TYW1B: variants seen among roughly 807,000 people sequenced by gnomAD.
TYW1B encodes S-adenosyl-L-methionine-dependent tRNA 4-demethylwyosine synthase TYW1B.
A neutral mutation model predicts 86.9 loss-of-function variants in TYW1B; 73 were observed. The ratio of observed to expected loss-of-function variants is 0.84; its 90% CI spans 0.70 to 1.02. The LOEUF is 1.02. Among genes scored for constraint, TYW1B ranks in the 50% least tolerant of loss-of-function variants. TYW1B has a pLI of 0.00. For synonymous variants in TYW1B, 248 were observed against 292.8 expected, an observed-to-expected ratio of 0.85 and a Z score of 1.56; for missense variants, 637 against 827.4, an observed-to-expected ratio of 0.77 and a Z score of 2.82.
intron 12 of TYW1B, among the ~76,000 whole-genome samples, chr7:72,623,215 T>TA (rs771280621): frequency 6.6e-6 from 1 of 152,208 alleles, no homozygotes; most frequent in Non-Finnish European, 1.5e-5. Context: ...GTTTCCATTT[T>TA]AAAATCAAAG....
chr7:72,678,619 CTT>C (rs56738372), intron 11 of TYW1B, among the ~76,000 whole-genome samples: 2 of 110,432 alleles, frequency 1.8e-5, no homozygotes, highest in African/African-American at 6.5e-5. Context: ...AATTCCAGCA[CTT>C]TTTTTTTTTT....
At chr7:72,591,427 T>A (rs564531500) in intron 13 of TYW1B, among the ~76,000 whole-genome samples, 23 of 152,014 alleles carry the variant, frequency 1.5e-4, no homozygotes, top group Admixed American at 1.4e-3. Context: ...AGACAGAGAA[T>A]CTTGAAAGCA....
intron 10 of TYW1B, among the ~76,000 whole-genome samples, chr7:72,700,368 G>A (rs1487709598): frequency 7.3e-5 from 11 of 151,702 alleles, no homozygotes; most frequent in African/African-American, 2.2e-4. Flanking sequence ...TAAAGACAGC[G>A]TTTCGCCACA....
At chr7:72,760,305 T>C (rs782369604) in intron 7 of TYW1B, among the ~76,000 whole-genome samples, 6 of 152,200 alleles carry the variant, frequency 3.9e-5, no homozygotes, top group Admixed American at 6.5e-5. Context: ...AAAATCAAAG[T>C]GCATGAAAAC....
intron 5 of TYW1B, among the ~76,000 whole-genome samples, chr7:72,804,570 G>C (rs1788461923): frequency 6.6e-6 from 1 of 152,158 alleles, no homozygotes; most frequent in South Asian, 2.1e-4. Flanking sequence ...GGGTGCAGTG[G>C]CTCACACTTA....
chr7:72,593,418 T>C (rs1215129242), intron 13 of TYW1B, among the ~76,000 whole-genome samples: 1 of 152,082 alleles, frequency 6.6e-6, no homozygotes, highest in Non-Finnish European at 1.5e-5. Flanking sequence ...CAAGTACACA[T>C]GGGACATTTT....
In TYW1B at chr7:72,796,929, G is replaced by A. The variant is rs1483440751; in HGVS notation, c.846+5471C>T. Among the ~76,000 whole-genome samples, 4 of 147,996 alleles carry A rather than the reference G, an allele frequency of 2.7e-5. No homozygotes were observed. The East Asian group carries it at 7.9e-4, about 29-fold the overall frequency. ...AGCGATTCTCCCGCCTCAGCCTCCT[G>A]AGTAGCTGGGATTACAGGCACGTAC... On this transcript the variant is annotated intron_variant, in intron 6 of 13. Coordinates refer to ENST00000620995, the MANE Select transcript of TYW1B (RefSeq NM_001145440.3).
chr7:72,697,131 G>A (rs1422424085), intron 10 of TYW1B, among the ~76,000 whole-genome samples: 1 of 150,856 alleles, frequency 6.6e-6, no homozygotes, highest in Non-Finnish European at 1.5e-5. Context: ...AAAGCTTCCT[G>A]ATGCAAAATG....
chr7:72,814,164 C>A (rs540863512), intron 3 of TYW1B, among the ~76,000 whole-genome samples: 4 of 152,124 alleles, frequency 2.6e-5, no homozygotes, highest in African/African-American at 9.7e-5. Context: ...TCAATAACAA[C>A]CCTTCCTTGA....
In TYW1B at chr7:72,584,234, A is replaced by C. The variant is rs1358130158; in HGVS notation, c.1786-8515T>G. Among the ~76,000 whole-genome samples, 4 of 152,144 alleles carry C rather than the reference A, an allele frequency of 2.6e-5. No individual in the cohort carries two copies. In the East Asian group the frequency reaches 7.7e-4, roughly 29 times the overall value. ...CAATGTTTTAATGTTTTGTAGAGAG[A>C]CAGTCTTGCTATGCAGCCCAGGATG... On this transcript the variant is annotated intron_variant, in intron 13 of 13. Coordinates refer to ENST00000620995, the MANE Select transcript of TYW1B (RefSeq NM_001145440.3).
intron 7 of TYW1B, among the ~76,000 whole-genome samples, chr7:72,770,820 C>T (rs1787854079): frequency 6.6e-6 from 1 of 152,044 alleles, no homozygotes; most frequent in Non-Finnish European, 1.5e-5. Flanking sequence ...TGGCATACTA[C>T]TGAGCAATAA....
chr7:72,728,590 T>C (rs1787048376), intron 9 of TYW1B, among the ~76,000 whole-genome samples: 1 of 152,154 alleles, frequency 6.6e-6, no homozygotes, highest in Non-Finnish European at 1.5e-5. Flanking sequence ...TAGACAGGCG[T>C]GAGCCATCAC....
intron 11 of TYW1B, among the ~76,000 whole-genome samples, chr7:72,644,588 CA>C (rs1554441820): frequency 6.6e-6 from 1 of 151,920 alleles, no homozygotes; most frequent in East Asian, 1.9e-4. Flanking sequence ...CAAATAAAAA[CA>C]GACCCAAACA....
At chr7:72,732,705 T>G (rs550065777) in intron 8 of TYW1B, among the ~76,000 whole-genome samples, 1 of 151,886 alleles carries the variant, frequency 6.6e-6, no homozygotes, top group Admixed American at 6.6e-5. Flanking sequence ...TTCAGGGAAC[T>G]AGAAAAGCAA....
intron 6 of TYW1B, among the ~76,000 whole-genome samples, chr7:72,797,773 A>C (rs1229332327): frequency 6.6e-6 from 1 of 152,112 alleles, no homozygotes; most frequent in East Asian, 1.9e-4. Flanking sequence ...GCTTTCAGGG[A>C]GTTCTGTGAG....
chr7:72,621,992 C>A (rs565436469), intron 12 of TYW1B, among the ~76,000 whole-genome samples: 34 of 152,350 alleles, frequency 2.2e-4, no homozygotes, highest in Non-Finnish European at 4.6e-4. Context: ...AGGGTGCCAA[C>A]AGTAAGTAGT....
chr7:72,678,006 T>G (rs1554447781), intron 11 of TYW1B, among the ~76,000 whole-genome samples: 1 of 152,112 alleles, frequency 6.6e-6, no homozygotes, highest in Non-Finnish European at 1.5e-5. Context: ...CCAGCACCTT[T>G]TATTTATCTA....
At chr7:72,624,659 G>C (rs1812296945) in intron 12 of TYW1B, among the ~76,000 whole-genome samples, 1 of 152,172 alleles carries the variant, frequency 6.6e-6, no homozygotes, top group African/African-American at 2.4e-5. Flanking sequence ...TTCATTGCAG[G>C]ACATTTCTCC....
intron 13 of TYW1B, among the ~76,000 whole-genome samples, chr7:72,587,969 T>C (rs1811312545): frequency 6.6e-6 from 1 of 152,220 alleles, no homozygotes; most frequent in Non-Finnish European, 1.5e-5. Context: ...TGGTATCTTT[T>C]GAACTTCCCA....
Sources: allele counts gnomAD v4.1 joint callset (sites outside exome capture counted in the v4.1 genomes callset), GRCh38; gene constraint gnomAD v4.1.1; transcripts MANE v1.5; gene names NCBI Gene and HGNC (gene_info 2026-07-23, HGNC 2026-07-21).